The following PAX5 variants were observed in gnomAD, a reference collection of about 807,000 sequenced individuals.
PAX5 encodes paired box protein Pax-5.
In PAX5, 9 loss-of-function variants were observed where a neutral mutation model predicts 43.7. The ratio of observed to expected loss-of-function variants is 0.21; its 90% confidence interval spans 0.12 to 0.36. The LOEUF is 0.36. PAX5 is among the 10% of genes least tolerant of loss of function. The probability of loss-of-function intolerance (pLI) is 1.00; values close to 1 mark genes in which losing one functional copy is unlikely to be tolerated. For missense variants in PAX5, 383 were observed against 532.7 expected (o/e 0.72, Z 2.77); for synonymous variants, 228 against 214.3 (o/e 1.06, Z -0.56).
chr9:37,011,128 C>CAAAAA (rs1225031293), intron 3 of PAX5, among the ~76,000 whole-genome samples: 6 of 100,938 alleles, frequency 5.9e-5, no homozygotes, highest in Non-Finnish European at 9.1e-5. Context: ...CTCAAAAAAA[C>CAAAAA]AAAAAAAAAA....
chr9:36,882,009 A>C lies in PAX5; in HGVS notation c.1007T>G (p.Val336Gly), dbSNP rs1418342704. Residue 336 changes from valine (V) to glycine (G), a missense_variant, in exon 8 of 10, where the codon GTG (valine) becomes GGG (glycine). Physicochemically the swap from Val to Gly is moderately radical, Grantham distance 109. Around this residue, in one of 5 missense-constraint regions of PAX5, gnomAD observed 291 missense variants for 342.5 expected, o/e 0.85. Transcript: ENST00000358127. This position sits in a 1 kb window ranked among gnomAD's most constrained non-coding sequence, Gnocchi z 4.4. ...CGCCGACAGTGCAAACTCACCAGGC[A>C]CCATCCCTGTCAGCGTCGGTGCTGA... ...SYSAPTLTGM[V>G]PGSEFSGSPY... The C allele has an allele frequency of 6.2e-7, 1 of 1,610,640 alleles. No individual in the cohort carries two copies. The highest frequency in any genetic ancestry group is 8.5e-7 in the Non-Finnish European group (1 of 1,178,606).
At chr9:37,000,551 A>T (rs1307296008) in intron 5 of PAX5, among the ~76,000 whole-genome samples, 1 of 152,260 alleles carries the variant, frequency 6.6e-6, no homozygotes, top group Non-Finnish European at 1.5e-5. Context: ...TCAGGAGTCC[A>T]GGATGAGCCT....
chr9:37,021,529 G>A (rs1839855345), intron 1 of PAX5, among the ~76,000 whole-genome samples: 1 of 152,114 alleles, frequency 6.6e-6, no homozygotes, highest in Admixed American at 6.5e-5. Flanking sequence ...GAGTTTCCCT[G>A]GAATTTTTAC....
At chr9:36,901,864 A>T (rs544358051) in intron 7 of PAX5, among the ~76,000 whole-genome samples, 109 of 152,350 alleles carry the variant, frequency 7.2e-4, no homozygotes, top group African/African-American at 2.4e-3. Flanking sequence ...TCTGAAAAAT[A>T]ACAGATGTAA....
chr9:36,854,976 G>A (rs1366309972), intron 8 of PAX5, among the ~76,000 whole-genome samples: 1 of 152,258 alleles, frequency 6.6e-6, no homozygotes, highest in Non-Finnish European at 1.5e-5. Context: ...TCTGCCACCT[G>A]CCAGCTGTGC....
At position 36,910,168 on chromosome 9, in the gene PAX5, G is replaced by A. The variant is rs138608946; in HGVS notation, c.910+13187C>T. On this transcript the variant is annotated intron_variant, in intron 7 of 9. Coordinates refer to ENST00000358127, the MANE Select transcript of PAX5 (RefSeq NM_016734.3). ...TTCAAAAAATCAAAATGTAAACACC[G>A]CTCAGTAAAAAGTGTTCTCCCCACA... is the stretch of plus-strand genomic sequence containing the variant. Among the ~76,000 whole-genome samples, 335 of 152,234 alleles carry A rather than the reference G, an allele frequency of 2.2e-3. 2 individuals carry two copies. The highest frequency in any genetic ancestry group is 3.0e-3 in the Non-Finnish European group (201 of 68,020).
At chr9:37,007,646 T>C (rs1356051263) in intron 3 of PAX5, 1 of 152,194 alleles carries the variant, frequency 6.6e-6, no homozygotes, top group Non-Finnish European at 1.5e-5. Flanking sequence ...AAAGTTATAT[T>C]CCAGTCTCAA....
In PAX5 at chr9:37,034,088, C is replaced by CTTTTTTTTTCTTTTT; in HGVS notation, c.-72_-58dup. On this transcript the variant is annotated 5_prime_UTR_variant, in exon 1 of 10. Transcript: ENST00000358127. Reference sequence around the variant, plus strand: ...GGGAAAAGTTTCCACTTTTTTGTGCCTTTTTTTTTCTTTTTTTTTTTTTTT... The same window carrying CTTTTTTTTTCTTTTT: ...GGGAAAAGTTTCCACTTTTTTGTGCCTTTTTTTTTCTTTTTTTTTTTTTTCTTTTTTTTTTTTTTT... The CTTTTTTTTTCTTTTT allele has an allele frequency of 2.2e-6, 1 of 447,906 alleles. No homozygotes were observed. The highest frequency in any genetic ancestry group is 4.1e-5 in the East Asian group (1 of 24,500). 27.7% of individuals were successfully genotyped at this position (447,906 alleles called of 1,614,324 possible). A position where few individuals can be genotyped will look rare whatever the true frequency, so the allele number is the denominator to read the frequency against.
chr9:36,925,851 T>C (rs1185359355), intron 6 of PAX5, among the ~76,000 whole-genome samples: 2 of 152,158 alleles, frequency 1.3e-5, no homozygotes, highest in East Asian at 3.8e-4. Flanking sequence ...CCTGTCTCAG[T>C]GCCTCCTCCT....
At chr9:36,983,966 T>C (rs1836158079) in intron 5 of PAX5, among the ~76,000 whole-genome samples, 1 of 152,194 alleles carries the variant, frequency 6.6e-6, no homozygotes, top group Non-Finnish European at 1.5e-5. Context: ...GTGAAATAAA[T>C]GTACTTCCTT....
At chr9:36,889,138 G>A (rs1385115889) in intron 7 of PAX5, among the ~76,000 whole-genome samples, 1 of 151,860 alleles carries the variant, frequency 6.6e-6, no homozygotes, top group Non-Finnish European at 1.5e-5. Flanking sequence ...CTGAACCTGG[G>A]CCCCCTTGGT....
intron 3 of PAX5, among the ~76,000 whole-genome samples, chr9:37,014,315 C>A (rs1335771748): frequency 6.6e-6 from 1 of 152,214 alleles, no homozygotes; most frequent in Non-Finnish European, 1.5e-5. Context: ...CTGGTTCTTT[C>A]TCTCCCTGTG....
chr9:37,000,375 T>C (rs1251537398), intron 5 of PAX5, among the ~76,000 whole-genome samples: 2 of 152,176 alleles, frequency 1.3e-5, no homozygotes, highest in Non-Finnish European at 2.9e-5. Flanking sequence ...TTCTCCCTTC[T>C]ACCACAGACC....
intron 7 of PAX5, among the ~76,000 whole-genome samples, chr9:36,883,291 G>C (rs543643353): frequency 6.6e-6 from 1 of 152,306 alleles, no homozygotes; most frequent in African/African-American, 2.4e-5. Flanking sequence ...ATGTTCAGAA[G>C]ATCAGTGCCT....
chr9:36,901,688 A>T (rs1828409853), intron 7 of PAX5, among the ~76,000 whole-genome samples: 1 of 152,138 alleles, frequency 6.6e-6, no homozygotes, highest in African/African-American at 2.4e-5. Context: ...CCCACGCCCT[A>T]AACACCTAAT....
chr9:37,024,932 C>G (rs1840182584), intron 1 of PAX5, among the ~76,000 whole-genome samples: 1 of 152,244 alleles, frequency 6.6e-6, no homozygotes, highest in Admixed American at 6.5e-5. Context: ...TGCTCCCCAT[C>G]TGTCCCCACA....
At chr9:36,970,723 A>G (rs1035347364) in intron 5 of PAX5, among the ~76,000 whole-genome samples, 30 of 152,116 alleles carry the variant, frequency 2.0e-4, no homozygotes, top group Non-Finnish European at 4.0e-4. Flanking sequence ...TCCCATGGAC[A>G]CGGGCATTGT....
In PAX5 at chr9:36,896,228, G is replaced by T. The variant is rs201643176; in HGVS notation, c.911-14123C>A. On this transcript the variant is annotated intron_variant, in intron 7 of 9. Transcript: ENST00000358127. ...ATAGGCTTCTGATTTCTTGTAAAGG[G>T]ACTGAGGCCCATCACGAATCCTAAA... is the stretch of plus-strand genomic sequence containing the variant. 1.8e-4 allele frequency among the ~76,000 whole-genome samples: 27 copies of T among 152,204 alleles called. No homozygotes were observed. In the East Asian group the frequency reaches 4.9e-3, roughly 27 times the overall value.
At chr9:36,887,519 A>G (rs1280843619) in intron 7 of PAX5, among the ~76,000 whole-genome samples, 1 of 152,194 alleles carries the variant, frequency 6.6e-6, no homozygotes, top group Non-Finnish European at 1.5e-5. Context: ...AAATAAATGT[A>G]AAAAAATAAA....
Sources: gnomAD v4.1 joint callset for allele counts (sites outside exome capture counted in the v4.1 genomes callset) on GRCh38, gnomAD v4.1.1 for gene constraint, gnomAD v4.1.1 regional missense constraint, Gnocchi (gnomAD v3.1) non-coding constraint, MANE v1.5 for transcripts, NCBI Gene and HGNC (gene_info 2026-07-23, HGNC 2026-07-21) for gene names.